AFDN: variants seen among roughly 807,000 people sequenced by gnomAD.
AFDN encodes afadin, adherens junction formation factor, also known as afadin.
Under a neutral mutation model 216.6 loss-of-function variants are expected in AFDN, and 68 were observed. The observed-to-expected ratio is 0.31, with a 90% CI of 0.26 to 0.38. The LOEUF is 0.38. Ranked by LOEUF, AFDN falls within the 10% of genes least tolerant of loss-of-function variation. The pLI, the probability that AFDN is intolerant of heterozygous loss-of-function variation, is 1.00. For synonymous variants in AFDN, 868 were observed against 853.7 expected, an observed-to-expected ratio of 1.02 and a Z score of -0.29; for missense variants, 2,136 against 2,342.0, an observed-to-expected ratio of 0.91 and a Z score of 1.82.
At chr6:167,879,204 C>T (rs1421219460) in intron 5 of AFDN, among the ~76,000 whole-genome samples, 2 of 152,154 alleles carry the variant, frequency 1.3e-5, no homozygotes, top group Admixed American at 6.6e-5. Flanking sequence ...TTCCCCTGGT[C>T]TGGCTTAGCA....
chr6:167,907,519 T>C (rs1019530067), intron 13 of AFDN, among the ~76,000 whole-genome samples: 3 of 152,242 alleles, frequency 2.0e-5, no homozygotes, highest in Admixed American at 6.5e-5. Flanking sequence ...TAAGAGTACA[T>C]TGAATTAAAA....
At position 167,966,029 on chromosome 6, in the gene AFDN, G is replaced by C. The variant is rs759981457; in HGVS notation, c.5241G>C (p.Glu1747Asp). The change falls in exon 32 of 34, where the codon GAG becomes GAC. Residue 1747 changes from glutamate to aspartate, a missense_variant. By Grantham distance (45) the Glu-to-Asp change is conservative. This residue lies in a region of AFDN where 981 missense variants were observed against 966.0 expected (regional missense o/e 1.02). Coordinates refer to ENST00000683244, the MANE Select transcript of AFDN (RefSeq NM_001386888.1). The part of the protein sequence containing the change: ...FVAYNEEEEE[E>D]DCSLAGPNSY... The stretch of plus-strand genomic sequence containing the variant: ...CATACAATGAGGAGGAGGAGGAGGA[G>C]GACTGCAGCCTAGCAGGTCAGGATA... 4.5e-6 allele frequency: 7 copies of C among 1,547,220 alleles called. No individual in the cohort carries two copies. In the Admixed American group the frequency reaches 9.8e-5, roughly 22 times the overall value.
At position 167,950,546 on chromosome 6, in the gene AFDN, C is replaced by A. The variant is rs542878062; in HGVS notation, c.3832-640C>A. On this transcript the variant is annotated intron_variant, in intron 29 of 33. Transcript: ENST00000683244. ...GCGGACGTATCGCAGATGTGTGGGA[C>A]TTGTCCTTGCATTACTGTGCACAGC... is the stretch of plus-strand genomic sequence containing the variant. 4.6e-5 allele frequency among the ~76,000 whole-genome samples: 7 copies of A among 152,300 alleles called. 1 individual carries two copies. In the South Asian group the frequency reaches 1.5e-3, roughly 32 times the overall value.
At chr6:167,886,766 A>AACAG (rs1786871462) in intron 6 of AFDN, among the ~76,000 whole-genome samples, 1 of 152,258 alleles carries the variant, frequency 6.6e-6, no homozygotes, top group Non-Finnish European at 1.5e-5. Flanking sequence ...TGTACTACTG[A>AACAG]ACAGACGCCT....
intron 32 of AFDN, among the ~76,000 whole-genome samples, chr6:167,967,623 G>A (rs1405519459): frequency 6.6e-6 from 1 of 152,076 alleles, no homozygotes; most frequent in Admixed American, 6.6e-5. Context: ...GTATTATAAT[G>A]AGGTGTCACT....
rs760813885 is a variant in AFDN, at chr6:167,898,467, G to A, written c.1580G>A (p.Gly527Glu). 1.2e-6 allele frequency: 2 copies of A among 1,613,048 alleles called. No individual in the cohort carries two copies. Among genetic ancestry groups the A allele is most frequent in the Non-Finnish European group, 1.7e-6 (2 of 1,179,322 alleles). ...LMVKGPRHKP[G>E]IVQETTFDLG... ...GTTAAGGGCCCAAGACATAAACCTG[G>A]GTAAATAGATTAACCCTAAGATTTA... Residue 527 changes from glycine (G) to glutamate (E), a missense_variant and splice_region_variant, in exon 11 of 34, where the codon GGA becomes GAA. Physicochemically the swap from Gly to Glu is moderately conservative, Grantham distance 98 (BLOSUM62 -2). This residue lies in a region of AFDN where 817 missense variants were observed against 965.7 expected (regional missense o/e 0.85). Coordinates refer to ENST00000683244, the MANE Select transcript of AFDN (RefSeq NM_001386888.1).
intron 2 of AFDN, among the ~76,000 whole-genome samples, chr6:167,866,471 C>T (rs557123231): frequency 1.5e-4 from 23 of 152,200 alleles, no homozygotes; most frequent in Admixed American, 7.2e-4. Flanking sequence ...CCTAATAGTC[C>T]GTTTCATTAA....
chr6:167,952,301 A>T, intron 30 of AFDN, 114 bp downstream of exon 30: 1 of 1,558,390 alleles, frequency 6.4e-7, no homozygotes, highest in Non-Finnish European at 8.6e-7. Flanking sequence ...AAGGGCCCCT[A>T]GGCTTATACT....
chr6:167,875,682 A>T (rs142642743), intron 5 of AFDN, among the ~76,000 whole-genome samples, 187 bp downstream of exon 5: 8 of 151,968 alleles, frequency 5.3e-5, no homozygotes, highest in Non-Finnish European at 1.2e-4. Flanking sequence ...TCACATAGGG[A>T]TATGTTTAGT....
chr6:167,845,548 G>T (rs966809879), intron 1 of AFDN, among the ~76,000 whole-genome samples: 8 of 151,896 alleles, frequency 5.3e-5, no homozygotes, highest in South Asian at 2.1e-4. Context: ...CAGGCAGATG[G>T]TATTTTTAGT....
intron 2 of AFDN, among the ~76,000 whole-genome samples, chr6:167,867,980 C>T (rs1056446292): frequency 6.6e-6 from 1 of 152,134 alleles, no homozygotes; most frequent in Admixed American, 6.5e-5. Context: ...TCTTCCCCTG[C>T]GTGAGGCTGT....
chr6:167,958,747 C>T (rs1583055031), intron 30 of AFDN, among the ~76,000 whole-genome samples: 1 of 152,184 alleles, frequency 6.6e-6, no homozygotes, highest in Non-Finnish European at 1.5e-5. Flanking sequence ...TGGACATGCC[C>T]CTCTTGAGCA....
chr6:167,913,944 A>G, intron 16 of AFDN: 2 of 530,626 alleles, frequency 3.8e-6, no homozygotes, highest in Non-Finnish European at 6.6e-6. Context: ...CTGAATCCAT[A>G]TGTCTATGTG....
chr6:167,826,880 G>T (rs111951952), upstream of AFDN: 1 of 138,746 alleles, frequency 7.2e-6, no homozygotes, highest in African/African-American at 2.5e-5. Context: ...GGGCGCGGGC[G>T]GGTGCGGGCG....
chr6:167,879,913 G>A (rs962434901), intron 5 of AFDN, among the ~76,000 whole-genome samples: 2 of 152,150 alleles, frequency 1.3e-5, no homozygotes, highest in Middle Eastern at 3.4e-3. Flanking sequence ...CTTTATCTGG[G>A]TTTTTAGTTT....
rs1174842591 is a variant in AFDN at position 167,965,890 on chromosome 6, C to A, written c.5102C>A (p.Pro1701His). The part of the protein sequence containing the change: ...CRPPLPRDYE[P>H]PSPSPAPGAP... ...CCTCCGCTTCCCCGGGACTACGAGCCCCCGTCCCCGTCCCCCGCGCCCGGC... is the reference window on the plus strand; with the variant it reads ...CCTCCGCTTCCCCGGGACTACGAGCACCCGTCCCCGTCCCCCGCGCCCGGC... Residue 1701 changes from proline to histidine, a missense_variant, in exon 32 of 34, where the codon CCC becomes CAC. By Grantham distance (77) the Pro-to-His change is moderately conservative (BLOSUM62 -2). Transcript: ENST00000683244. 8 of 1,548,736 alleles carry A rather than the reference C, an allele frequency of 5.2e-6. No homozygotes were observed. Among genetic ancestry groups the A allele is most frequent in the Non-Finnish European group, 7.0e-6 (8 of 1,146,490 alleles).
At chr6:167,835,285 C>A (rs1206924201) in intron 1 of AFDN, among the ~76,000 whole-genome samples, 1 of 152,216 alleles carries the variant, frequency 6.6e-6, no homozygotes, top group Non-Finnish European at 1.5e-5. Flanking sequence ...CTGTCATAGG[C>A]AGCACTTGAA....
intron 1 of AFDN, among the ~76,000 whole-genome samples, chr6:167,847,803 A>G (rs1781865358): frequency 6.6e-6 from 1 of 152,188 alleles, no homozygotes; most frequent in Non-Finnish European, 1.5e-5. Flanking sequence ...TGTTTCCTAC[A>G]CAGACATACA....
intron 23 of AFDN, among the ~76,000 whole-genome samples, chr6:167,931,600 A>G (rs927741510): frequency 6.6e-6 from 1 of 151,948 alleles, no homozygotes; most frequent in Non-Finnish European, 1.5e-5. Flanking sequence ...AATACAGTCC[A>G]TTTTTTTTCC....
Sources: gnomAD v4.1 joint callset for allele counts (sites outside exome capture counted in the v4.1 genomes callset) on GRCh38, gnomAD v4.1.1 for gene constraint, gnomAD v4.1.1 regional missense constraint, MANE v1.5 for transcripts, NCBI Gene and HGNC (gene_info 2026-07-23, HGNC 2026-07-21) for gene names.